Variants in ADTRP observed in about 807,000 individuals in gnomAD.
ADTRP encodes the protein androgen dependent TFPI regulating protein.
Under a neutral mutation model 27.0 loss-of-function variants are expected in ADTRP, and 20 were observed. The ratio of observed to expected loss-of-function variants is 0.74; its 90% CI spans 0.52 to 1.08. The LOEUF (loss-of-function observed/expected upper bound fraction) is 1.08, where lower values mean the gene tolerates loss of function less well. Among genes scored for constraint, ADTRP ranks in the 50% least tolerant of loss-of-function variants. The pLI is 0.00. For synonymous variants in ADTRP, 101 were observed against 105.2 expected, an observed-to-expected ratio of 0.96 and a Z score of 0.25; for missense variants, 251 against 275.0, an observed-to-expected ratio of 0.91 and a Z score of 0.62.
intron 4 of ADTRP, among the ~76,000 whole-genome samples, chr6:11,729,712 G>C (rs1762324750): frequency 6.6e-6 from 1 of 152,056 alleles, no homozygotes; most frequent in Non-Finnish European, 1.5e-5. Flanking sequence ...TTGACTTGAG[G>C]GCCTTAAAAA....
At chr6:11,764,767 C>T (rs547955475) in intron 3 of ADTRP, among the ~76,000 whole-genome samples, 22 of 151,910 alleles carry the variant, frequency 1.4e-4, no homozygotes, top group African/African-American at 5.3e-4. Context: ...CCTCTCTGAG[C>T]TTTTATTTTA....
At chr6:11,768,883 G>A (rs1028377896) in intron 1 of ADTRP, among the ~76,000 whole-genome samples, 42 of 152,116 alleles carry the variant, frequency 2.8e-4, no homozygotes, top group African/African-American at 9.6e-4. Flanking sequence ...CCCAAGAAAG[G>A]CACACAAAAG....
rs190581978 is a variant in ADTRP, at chr6:11,774,165, C to T, written c.153+4442G>A. ...CTACTAAAAATACAAAAAAAATTAG[C>T]CAGGCATGGTGGTGCATGCTGTAGT... On this transcript the variant is annotated intron_variant, in intron 1 of 5. Transcript: ENST00000414691. 1.7e-4 allele frequency among the ~76,000 whole-genome samples: 26 copies of T among 151,680 alleles called. 1 individual carries two copies. Among genetic ancestry groups the T allele is most frequent in the Admixed American group, 1.3e-3 (20 of 15,224 alleles).
intron 1 of ADTRP, among the ~76,000 whole-genome samples, chr6:11,774,077 G>A (rs1763871319): frequency 6.6e-6 from 1 of 152,150 alleles, no homozygotes; most frequent in Admixed American, 6.5e-5. Context: ...GGGAGGCCAA[G>A]GCAGGCGGAT....
chr6:11,771,656 C>T lies in ADTRP; in HGVS notation c.154-3273G>A, dbSNP rs1249386633. Among the ~76,000 whole-genome samples the T allele has an allele frequency of 2.0e-5, 3 of 152,178 alleles. No individual in the cohort carries two copies. The East Asian group carries it at 5.8e-4, about 29-fold the overall frequency. On this transcript the variant is annotated intron_variant, in intron 1 of 5. Coordinates refer to ENST00000414691, the MANE Select transcript of ADTRP (RefSeq NM_032744.4). ...TAGCTGTTATGGGCTAATTTATATCCCCCACCAACCACCACCAAATTCATA... is the reference window on the plus strand; with the variant it reads ...TAGCTGTTATGGGCTAATTTATATCTCCCACCAACCACCACCAAATTCATA...
intron 3 of ADTRP, among the ~76,000 whole-genome samples, chr6:11,754,387 A>C (rs1763149410): frequency 6.6e-6 from 1 of 152,212 alleles, no homozygotes. Context: ...GGGAGATGGC[A>C]AAACAAGGAC....
chr6:11,738,335 C>T (rs759991596), intron 3 of ADTRP, among the ~76,000 whole-genome samples: 21 of 152,144 alleles, frequency 1.4e-4, no homozygotes, highest in African/African-American at 4.8e-4. Context: ...CTGGTGCCTG[C>T]GTTCCCAGTC....
chr6:11,749,948 C>T (rs1351031701), intron 3 of ADTRP, among the ~76,000 whole-genome samples: 1 of 152,124 alleles, frequency 6.6e-6, no homozygotes, highest in African/African-American at 2.4e-5. Context: ...GAAAATGAAG[C>T]TATGACTTGA....
intron 3 of ADTRP, among the ~76,000 whole-genome samples, chr6:11,751,917 G>C (rs977924039): frequency 6.6e-6 from 1 of 152,144 alleles, no homozygotes; most frequent in Non-Finnish European, 1.5e-5. Context: ...TATCGATCTA[G>C]CCATGGTTTC....
chr6:11,770,501 G>T (rs901534658), intron 1 of ADTRP, among the ~76,000 whole-genome samples: 4 of 152,090 alleles, frequency 2.6e-5, no homozygotes, highest in Admixed American at 6.5e-5. Context: ...AAAGGTCCTT[G>T]TCTAAGGGAC....
Position 11,737,970 on chromosome 6 carries a change from AC to A in ADTRP, c.391-2288del, listed in dbSNP as rs563390670. ...CTAAAGGCACACAGTTTCTAATCTAACCCTGGGCTAGTGACCAAATCTCTCT... is the reference window on the plus strand; with the variant it reads ...CTAAAGGCACACAGTTTCTAATCTAACCTGGGCTAGTGACCAAATCTCTCT... On this transcript the variant is annotated intron_variant, in intron 3 of 5. Transcript: ENST00000414691. Among the ~76,000 whole-genome samples, 16 of 152,204 alleles carry A rather than the reference AC, an allele frequency of 1.1e-4. No individual in the cohort carries two copies. The East Asian group carries it at 2.7e-3, about 26-fold the overall frequency.
rs548213264 is a variant in ADTRP at position 11,770,087 on chromosome 6, A to G, written c.154-1704T>C. ...AACCCAGCAGTCCTGTTCTTGAGCT[A>G]GACTTCGAAAAAATAAAAAAAATTA... On this transcript the variant is annotated intron_variant, in intron 1 of 5. Transcript: ENST00000414691. The G allele has an allele frequency of 3.6e-5, 56 of 1,547,774 alleles. No individual in the cohort carries two copies. The African/African-American group carries it at 7.3e-4, about 20-fold the overall frequency.
chr6:11,758,376 G>A (rs1486213527), intron 3 of ADTRP, among the ~76,000 whole-genome samples: 3 of 152,042 alleles, frequency 2.0e-5, no homozygotes, highest in South Asian at 2.1e-4. Context: ...GAGAATCCCC[G>A]TATGTGTAGC....
chr6:11,762,412 A>G (rs773593995), intron 3 of ADTRP, among the ~76,000 whole-genome samples: 1 of 152,250 alleles, frequency 6.6e-6, no homozygotes, highest in African/African-American at 2.4e-5. Flanking sequence ...AAAACCCTCA[A>G]TAAATATCAA....
At chr6:11,752,850 C>T (rs1303337285) in intron 3 of ADTRP, among the ~76,000 whole-genome samples, 2 of 152,158 alleles carry the variant, frequency 1.3e-5, no homozygotes, top group African/African-American at 2.4e-5. Context: ...CGGGTTTATC[C>T]CCTGCAACGC....
chr6:11,720,149 C>T (rs1581306380), intron 5 of ADTRP, among the ~76,000 whole-genome samples: 1 of 152,190 alleles, frequency 6.6e-6, no homozygotes, highest in Non-Finnish European at 1.5e-5. Flanking sequence ...ATTTGAATTT[C>T]TCCTGTCATC....
chr6:11,728,914 A>C (rs1481649989), intron 4 of ADTRP, among the ~76,000 whole-genome samples: 1 of 152,204 alleles, frequency 6.6e-6, no homozygotes, highest in Admixed American at 6.5e-5. Flanking sequence ...AATACTTTGA[A>C]GAGGCCAATG....
At chr6:11,754,930 C>G in intron 3 of ADTRP, 3 of 749,418 alleles carry the variant, frequency 4.0e-6, no homozygotes, top group Non-Finnish European at 3.3e-6. Flanking sequence ...TTTTTCACGT[C>G]TGTCTTGAGA....
intron 4 of ADTRP, among the ~76,000 whole-genome samples, chr6:11,730,017 TA>T (rs1471301523): frequency 6.6e-6 from 1 of 152,252 alleles, no homozygotes; most frequent in African/African-American, 2.4e-5. Context: ...TCTACAGTTT[TA>T]CTCTCTTCAT....
Sources: gnomAD v4.1 joint callset for allele counts (sites outside exome capture counted in the v4.1 genomes callset) on GRCh38, gnomAD v4.1.1 for gene constraint, MANE v1.5 for transcripts, NCBI Gene and HGNC (gene_info 2026-07-23, HGNC 2026-07-21) for gene names.